Variants in CARMIL1 observed in about 807,000 individuals in gnomAD.
CARMIL1 encodes F-actin-uncapping protein LRRC16A.
In CARMIL1, 90 loss-of-function variants were observed where a neutral mutation model predicts 177.1. The ratio of observed to expected loss-of-function variants is 0.51; its 90% CI spans 0.43 to 0.61. The LOEUF is 0.61. Among genes scored for constraint, CARMIL1 ranks in the 20% least tolerant of loss-of-function variants. The pLI, the probability that CARMIL1 is intolerant of heterozygous loss-of-function variation, is 0.00. For synonymous variants in CARMIL1, 577 were observed against 606.2 expected (o/e 0.95, Z 0.71); for missense variants, 1,380 against 1,667.0 (o/e 0.83, Z 3.00).
At chr6:25,420,971 T>C (rs773932440) in intron 3 of CARMIL1, among the ~76,000 whole-genome samples, 1 of 152,210 alleles carries the variant, frequency 6.6e-6, no homozygotes, top group Non-Finnish European at 1.5e-5. Context: ...TCATGAGAGC[T>C]ATAAGTCTTA....
intron 2 of CARMIL1, among the ~76,000 whole-genome samples, chr6:25,387,531 A>G (rs964852008): frequency 1.3e-5 from 2 of 152,234 alleles, no homozygotes; most frequent in African/African-American, 4.8e-5. Context: ...AACCTTTTCA[A>G]TAGCAGTATA....
At position 25,355,988 on chromosome 6, in the gene CARMIL1, G is replaced by A. The variant is rs1788554768; in HGVS notation, c.139-64126G>A. On this transcript the variant is annotated intron_variant, in intron 2 of 36. Transcript: ENST00000329474. ...GCTACTTACACTCCTCCTGCAAAAT[G>A]CCCCTAGCTTATAGTACAAGAAAGA... is the stretch of plus-strand genomic sequence containing the variant. Among the ~76,000 whole-genome samples, 3 of 151,344 alleles carry A rather than the reference G, an allele frequency of 2.0e-5. No homozygotes were observed. In the South Asian group the frequency reaches 6.2e-4, roughly 32 times the overall value.
At chr6:25,395,230 C>T (rs1236444356) in intron 2 of CARMIL1, among the ~76,000 whole-genome samples, 1 of 152,098 alleles carries the variant, frequency 6.6e-6, no homozygotes, top group Admixed American at 6.5e-5. Context: ...GTCGGGACGG[C>T]GGTGCAAGGA....
chr6:25,378,818 C>A (rs1005334318), intron 2 of CARMIL1, among the ~76,000 whole-genome samples: 2 of 151,310 alleles, frequency 1.3e-5, no homozygotes, highest in African/African-American at 4.9e-5. Flanking sequence ...GTGTGAATCT[C>A]TCCACACTAT....
intron 2 of CARMIL1, among the ~76,000 whole-genome samples, chr6:25,342,423 C>T (rs1426440445): frequency 6.6e-6 from 1 of 152,120 alleles, no homozygotes; most frequent in African/African-American, 2.4e-5. Flanking sequence ...GACTTGTGGA[C>T]TGGGCCATCA....
chr6:25,508,775 C>T (rs1168700620), intron 17 of CARMIL1, among the ~76,000 whole-genome samples: 2 of 120,816 alleles, frequency 1.7e-5, no homozygotes, highest in Non-Finnish European at 3.6e-5. Flanking sequence ...TGTTTTTCCT[C>T]ATTAGATAGT....
chr6:25,316,433 T>G (rs796504243), intron 2 of CARMIL1, among the ~76,000 whole-genome samples: 13 of 152,088 alleles, frequency 8.5e-5, no homozygotes, highest in African/African-American at 3.1e-4. Flanking sequence ...CTTTTTTTTT[T>G]TTTTGAGACG....
chr6:25,351,249 A>AT (rs139915396), intron 2 of CARMIL1, among the ~76,000 whole-genome samples: 17,478 of 152,230 alleles, frequency 0.11, 1,133 homozygotes, highest in African/African-American at 0.18. Flanking sequence ...CTCATTAATA[A>AT]TTTTTTATAT....
At chr6:25,303,093 A>G (rs1392950917) in intron 2 of CARMIL1, among the ~76,000 whole-genome samples, 3 of 147,992 alleles carry the variant, frequency 2.0e-5, no homozygotes, top group Non-Finnish European at 4.5e-5. Context: ...AATTGCATGT[A>G]CTTTCAACTT....
In CARMIL1 at chr6:25,610,059, C is replaced by T; in HGVS notation, c.3857C>T (p.Pro1286Leu). The T allele has an allele frequency of 2.5e-6, 4 of 1,613,748 alleles. No homozygotes were observed. Among genetic ancestry groups the T allele is most frequent in the Non-Finnish European group, 3.4e-6 (4 of 1,179,786 alleles). ...PRTASRPDDI[P>L]DSPSSPKVAL... The stretch of plus-strand genomic sequence containing the variant: ...GTTTGTGTCTCCTTAGATGACATTC[C>T]AGACTCTCCATCTAGCCCGAAAGTT... The change falls in exon 36 of 37, where the codon CCA (proline) becomes CTA (leucine). Residue 1286 changes from proline to leucine, a missense_variant. Physicochemically the swap from Pro to Leu is moderately conservative, Grantham distance 98. Coordinates refer to ENST00000329474, the MANE Select transcript of CARMIL1 (RefSeq NM_017640.6).
chr6:25,321,694 T>C (rs1285438732), intron 2 of CARMIL1, among the ~76,000 whole-genome samples: 2 of 152,024 alleles, frequency 1.3e-5, no homozygotes, highest in African/African-American at 4.8e-5. Context: ...GAAGTCTTGC[T>C]GTTGCCCAGG....
At chr6:25,505,899 G>C (rs1378984712) in intron 17 of CARMIL1, among the ~76,000 whole-genome samples, 2 of 152,180 alleles carry the variant, frequency 1.3e-5, no homozygotes, top group East Asian at 1.9e-4. Flanking sequence ...GATGCAAAGG[G>C]CAATTAATTA....
chr6:25,300,522 A>G (rs1020458074), intron 2 of CARMIL1, among the ~76,000 whole-genome samples: 1 of 146,668 alleles, frequency 6.8e-6, no homozygotes. Flanking sequence ...GGAGGCACAC[A>G]CTTGTAATCC....
chr6:25,480,922 G>A (rs1010335570), intron 11 of CARMIL1, among the ~76,000 whole-genome samples: 8 of 151,678 alleles, frequency 5.3e-5, no homozygotes, highest in Non-Finnish European at 1.0e-4. Context: ...GGGTTTCACC[G>A]TGTTAGCCAG....
chr6:25,315,401 C>T (rs956474778), intron 2 of CARMIL1, among the ~76,000 whole-genome samples: 6 of 152,204 alleles, frequency 3.9e-5, no homozygotes. Context: ...TTATAAACAT[C>T]GCCCTTGCAA....
rs185172750 is a variant in CARMIL1 at position 25,424,907 on chromosome 6, C to T, written c.190-1594C>T. ...CTTATGCAGAAAGGCCACTGGAGGG[C>T]CAGCCAGTGGGCTTAACTCAAAGAA... On this transcript the variant is annotated intron_variant, in intron 3 of 36. Coordinates refer to ENST00000329474, the MANE Select transcript of CARMIL1 (RefSeq NM_017640.6). Among the ~76,000 whole-genome samples the T allele has an allele frequency of 5.6e-4, 85 of 152,186 alleles. 1 individual carries two copies. Among genetic ancestry groups the T allele is most frequent in the African/African-American group, 1.9e-3 (80 of 41,528 alleles).
intron 2 of CARMIL1, among the ~76,000 whole-genome samples, chr6:25,417,081 A>G (rs767310409): frequency 6.6e-6 from 1 of 151,986 alleles, no homozygotes. Context: ...TTTCTTTTCC[A>G]CTCTGGGGGA....
chr6:25,348,225 C>T (rs1787735298), intron 2 of CARMIL1, among the ~76,000 whole-genome samples: 4 of 152,086 alleles, frequency 2.6e-5, no homozygotes, highest in African/African-American at 7.2e-5. Context: ...CTCCGCCTCC[C>T]GGGTTCAATC....
chr6:25,484,449 A>G (rs547413710), intron 12 of CARMIL1, among the ~76,000 whole-genome samples: 34 of 152,354 alleles, frequency 2.2e-4, no homozygotes, highest in Admixed American at 2.1e-3. Context: ...CATATTTAAG[A>G]TTAAGGCATG....
Sources: gnomAD v4.1 joint callset for allele counts (sites outside exome capture counted in the v4.1 genomes callset) on GRCh38, gnomAD v4.1.1 for gene constraint, MANE v1.5 for transcripts, NCBI Gene and HGNC (gene_info 2026-07-23, HGNC 2026-07-21) for gene names.